Variants in USP20 observed in about 807,000 individuals in gnomAD.
The protein encoded by USP20 is ubiquitin carboxyl-terminal hydrolase 20.
USP20 carries 80 observed loss-of-function variants against 124.2 expected under a neutral mutation model. That is an observed-to-expected ratio of 0.64 (90% CI 0.54 to 0.78). The LOEUF is 0.78. USP20 is among the 30% of genes least tolerant of loss of function. The pLI is 0.00. For missense variants in USP20, 1,043 were observed against 1,244.4 expected (o/e 0.84, Z 2.44); for synonymous variants, 481 against 512.3 (o/e 0.94, Z 0.83).
intron 5 of USP20, 128 bp downstream of exon 5, chr9:129,858,240 G>A: frequency 8.6e-7 from 1 of 1,164,172 alleles, no homozygotes; most frequent in Non-Finnish European, 1.2e-6. Flanking sequence ...CATAGCTTCT[G>A]CAAAGAAGCA....
At chr9:129,847,743 A>G (rs948406603) in intron 1 of USP20, among the ~76,000 whole-genome samples, 1 of 152,214 alleles carries the variant, frequency 6.6e-6, no homozygotes, top group Non-Finnish European at 1.5e-5. Context: ...AAGATCTAGA[A>G]CATTCCAACA....
chr9:129,875,571 C>T lies in USP20; in HGVS notation c.2230C>T (p.His744Tyr), dbSNP rs2034353829. ...TACCTTCTTCCCAGGCATCCCGCCC[C>T]ACAAATACCACTACATCGACGACCT... ...FLCSHGGIPP[H>Y]KYHYIDDLVV... The change falls in exon 21 of 26, where the codon CAC becomes TAC. Residue 744 changes from histidine (H) to tyrosine (Y), a missense_variant. By Grantham distance (83) the His-to-Tyr change is moderately conservative. Coordinates refer to ENST00000372429, the MANE Select transcript of USP20 (RefSeq NM_001110303.4). 3 of 1,614,148 alleles carry T rather than the reference C, an allele frequency of 1.9e-6. No homozygotes were observed. Among genetic ancestry groups the T allele is most frequent in the East Asian group, 2.2e-5 (1 of 44,886 alleles).
intron 14 of USP20, chr9:129,870,207 G>T: frequency 1.7e-6 from 1 of 576,710 alleles, no homozygotes; most frequent in South Asian, 2.1e-5. Flanking sequence ...CCAGGGAGGG[G>T]GTAGCATGAT....
In USP20 at chr9:129,848,787, C is replaced by T. The variant is rs116821318; in HGVS notation, c.-128-1026C>T. 1.6e-3 allele frequency among the ~76,000 whole-genome samples: 237 copies of T among 152,256 alleles called. 1 individual carries two copies. The highest frequency in any genetic ancestry group is 5.4e-3 in the African/African-American group (226 of 41,542). On this transcript the variant is annotated intron_variant, in intron 1 of 25. Transcript: ENST00000372429. ...GCTTAAAATAGTGTAAGACTAGTGCCGACTCAGGGCACATGGCCTCAGCAG... is the reference window on the plus strand; with the variant it reads ...GCTTAAAATAGTGTAAGACTAGTGCTGACTCAGGGCACATGGCCTCAGCAG...
intron 7 of USP20, 141 bp downstream of exon 7, chr9:129,861,174 C>A: frequency 1.2e-6 from 1 of 815,240 alleles, no homozygotes; most frequent in Non-Finnish European, 2.0e-6. Context: ...AGCTGTTTAG[C>A]ATGGTGGCTT....
rs777976621 is a variant in USP20 at position 129,875,449 on chromosome 9, A to G, written c.2188A>G (p.Thr730Ala). 6.2e-7 allele frequency: 1 copy of G among 1,613,504 alleles called. No individual in the cohort carries two copies. Among genetic ancestry groups the G allele is most frequent in the Non-Finnish European group, 8.5e-7 (1 of 1,179,820 alleles). ...CACCTTCGCGGAGCCAGGCCCCATCACCAACCAGACCTTCCTCTGCTCCCA... is the reference window on the plus strand; with the variant it reads ...CACCTTCGCGGAGCCAGGCCCCATCGCCAACCAGACCTTCCTCTGCTCCCA... ...FNTFAEPGPI[T>A]NQTFLCSHGG... is the part of the protein sequence containing the mutation. Residue 730 changes from threonine (T) to alanine (A), a missense_variant, in exon 20 of 26, where the codon ACC becomes GCC. Physicochemically the swap from Thr to Ala is moderately conservative, Grantham distance 58. Transcript: ENST00000372429.
At position 129,881,257 on chromosome 9, in the gene USP20, G is replaced by T. The variant is rs897351690; in HGVS notation, c.*807G>T. ...CCATTTGAGGCAAAGGCAGCTTCCCGAGCTGATGCTAAAGAAGACAGACTT... is the reference window on the plus strand; with the variant it reads ...CCATTTGAGGCAAAGGCAGCTTCCCTAGCTGATGCTAAAGAAGACAGACTT... On this transcript the variant is annotated 3_prime_UTR_variant, in exon 26 of 26. Transcript: ENST00000372429. 2.6e-5 allele frequency: 4 copies of T among 152,384 alleles called. No homozygotes were observed. The highest frequency in any genetic ancestry group is 5.9e-5 in the Non-Finnish European group (4 of 68,160). 9.4% of individuals were successfully genotyped at this position (152,384 alleles called of 1,614,324 possible).
intron 10 of USP20, among the ~76,000 whole-genome samples, chr9:129,867,406 G>T (rs1334086607): frequency 6.6e-6 from 1 of 152,210 alleles, no homozygotes; most frequent in Non-Finnish European, 1.5e-5. Context: ...CTTAGACTGA[G>T]TCATGACCAG....
At chr9:129,866,564 G>C (rs1406935820) in intron 10 of USP20, among the ~76,000 whole-genome samples, 1 of 152,168 alleles carries the variant, frequency 6.6e-6, no homozygotes, top group Non-Finnish European at 1.5e-5. Flanking sequence ...TGTGTGCAAG[G>C]CGCCCTGCCG....
chr9:129,864,541 C>T (rs549446547), intron 9 of USP20, among the ~76,000 whole-genome samples: 7 of 150,340 alleles, frequency 4.7e-5, no homozygotes, highest in Admixed American at 1.3e-4. Flanking sequence ...TTTGGGAGGC[C>T]GAGGCGGGTG....
rs1174968223 is a variant in USP20, at chr9:129,869,440, G to A, written c.1392+15G>A. 1 of 1,610,938 alleles carries A rather than the reference G, an allele frequency of 6.2e-7. No homozygotes were observed. Among genetic ancestry groups the A allele is most frequent in the African/African-American group, 1.3e-5 (1 of 74,894 alleles). On this transcript the variant is annotated intron_variant, in intron 13 of 25. Transcript: ENST00000372429. ...CCTGTGACCGGGTGGGTGCCCCAGG[G>A]ATGGGGGGAGCTGGGCCAGGCTGCC...
At chr9:129,860,052 C>T (rs1343642426) in intron 6 of USP20, among the ~76,000 whole-genome samples, 1 of 151,836 alleles carries the variant, frequency 6.6e-6, no homozygotes, top group African/African-American at 2.4e-5. Context: ...CCACATAGCC[C>T]AGGCGCGGTG....
At chr9:129,852,801 A>G (rs2032998509) in intron 3 of USP20, among the ~76,000 whole-genome samples, 165 bp downstream of exon 3, 1 of 152,112 alleles carries the variant, frequency 6.6e-6, no homozygotes, top group African/African-American at 2.4e-5. Flanking sequence ...CGCCTTCCGG[A>G]GGCTCTGTCC....
At chr9:129,836,024 T>G (rs886331326) in intron 1 of USP20, among the ~76,000 whole-genome samples, 1 of 152,116 alleles carries the variant, frequency 6.6e-6, no homozygotes, top group African/African-American at 2.4e-5. Flanking sequence ...GCCGGGGGAC[T>G]CCTCCTCGGT....
In USP20 at chr9:129,856,371, CT is replaced by C. The variant is rs1564204063; in HGVS notation, c.135+13del. ...TGGGCCTGTCTGCAGGTAAAAGACC[CT>C]TGTGGCCATCAGGGGTGTAGAGCTG... On this transcript the variant is annotated intron_variant, in intron 4 of 25. Transcript: ENST00000372429. The C allele has an allele frequency of 6.2e-7, 1 of 1,614,056 alleles. No individual in the cohort carries two copies. The highest frequency in any genetic ancestry group is 8.5e-7 in the Non-Finnish European group (1 of 1,179,914).
chr9:129,872,557 G>A (rs1472610580), intron 15 of USP20, among the ~76,000 whole-genome samples: 1 of 152,164 alleles, frequency 6.6e-6, no homozygotes, highest in Non-Finnish European at 1.5e-5. Context: ...TTTTGCTTTG[G>A]TTGCCTGCAC....
chr9:129,869,055 G>A (rs534143958), intron 12 of USP20, 53 bp downstream of exon 12: 6 of 1,535,294 alleles, frequency 3.9e-6, no homozygotes, highest in East Asian at 4.6e-5. Flanking sequence ...TACAGATTAC[G>A]CCCGTAGCTG....
At chr9:129,853,099 C>T (rs1031713712) in intron 3 of USP20, among the ~76,000 whole-genome samples, 4 of 152,146 alleles carry the variant, frequency 2.6e-5, no homozygotes, top group Admixed American at 6.5e-5. Context: ...TGAAACAGGA[C>T]AAAAAGATAA....
chr9:129,875,011 C>G, intron 19 of USP20, 56 bp downstream of exon 19: 1 of 1,592,322 alleles, frequency 6.3e-7, no homozygotes, highest in Non-Finnish European at 8.5e-7. Flanking sequence ...CCCCTGGGAC[C>G]CATGGGCCTT....
Sources: gnomAD v4.1 joint callset for allele counts (sites outside exome capture counted in the v4.1 genomes callset) on GRCh38, gnomAD v4.1.1 for gene constraint, MANE v1.5 for transcripts, NCBI Gene and HGNC (gene_info 2026-07-23, HGNC 2026-07-21) for gene names.